HJURP: variants seen among roughly 807,000 people sequenced by gnomAD.
HJURP encodes Holliday junction recognition protein.
HJURP carries 49 observed loss-of-function variants against 72.0 expected under a neutral mutation model. That is an observed-to-expected ratio of 0.68 (90% CI 0.54 to 0.86). The LOEUF (loss-of-function observed/expected upper bound fraction) is 0.86. Ranked by LOEUF, HJURP falls within the 40% of genes least tolerant of loss-of-function variation. HJURP has a pLI of 0.00. For synonymous variants in HJURP, 357 were observed against 347.1 expected, an observed-to-expected ratio of 1.03 and a Z score of -0.32; for missense variants, 908 against 936.3, an observed-to-expected ratio of 0.97 and a Z score of 0.39.
chr2:233,854,497 G>T lies in HJURP; in HGVS notation c.4C>A (p.Leu2Met), dbSNP rs1218337665. 5 of 1,610,240 alleles carry T rather than the reference G, an allele frequency of 3.1e-6. No homozygotes were observed. The highest frequency in any genetic ancestry group is 1.7e-5 in the Admixed American group (1 of 59,744). The change falls in exon 1 of 9, where the codon CTG (leucine) becomes ATG (methionine). Residue 2 changes from leucine to methionine, a missense_variant. By Grantham distance (15) the Leu-to-Met change is conservative. This residue lies in a region of HJURP where 299 missense variants were observed against 286.7 expected (regional missense o/e 1.04). Coordinates refer to ENST00000411486, the MANE Select transcript of HJURP (RefSeq NM_018410.5). M[L>M]GTLRAMEGED... is the part of the protein sequence containing the mutation. ...CCCTCCATGGCGCGCAGCGTACCCA[G>T]CATCGGACCCAGCCAGTACCCAAGC...
intron 4 of HJURP, among the ~76,000 whole-genome samples, chr2:233,848,114 C>T (rs1325922415): frequency 3.9e-5 from 6 of 152,088 alleles, no homozygotes; most frequent in Admixed American, 6.5e-5. Flanking sequence ...TTCCCTTTAG[C>T]GACTCAACAC....
rs543307296 is a variant in HJURP at position 233,847,281 on chromosome 2, G to A, written c.402+116C>T. On this transcript the variant is annotated intron_variant, in intron 5 of 8. Coordinates refer to ENST00000411486, the MANE Select transcript of HJURP (RefSeq NM_018410.5). ...GAAGTAGCAAAAGCCAGCCTCAGGA[G>A]AGGACTTCCAGAAAAGTGCAGGCAG... is the stretch of plus-strand genomic sequence containing the variant. 4 of 767,014 alleles carry A rather than the reference G, an allele frequency of 5.2e-6. No homozygotes were observed. In the South Asian group the frequency reaches 6.0e-5, roughly 12 times the overall value. The allele number at this position is 767,014 out of a possible 1,614,324, so 47.5% of individuals were successfully genotyped here.
chr2:233,847,606 G>A (rs1375825393), intron 4 of HJURP, 145 bp from the exon 5 acceptor site: 5 of 700,056 alleles, frequency 7.1e-6, no homozygotes, highest in Non-Finnish European at 1.3e-5. Flanking sequence ...AGCCATCTAC[G>A]GCTGCCCGTG....
intron 3 of HJURP, among the ~76,000 whole-genome samples, chr2:233,850,257 G>A (rs1422688806): frequency 6.6e-6 from 1 of 152,236 alleles, no homozygotes; most frequent in Non-Finnish European, 1.5e-5. Context: ...GTGGCCCCTG[G>A]GCAACTTCCT....
Position 233,849,786 on chromosome 2 carries a change from G to T in HJURP, c.314C>A (p.Ser105Ter). The T allele has an allele frequency of 6.4e-7, 1 of 1,554,048 alleles. No individual in the cohort carries two copies. The highest frequency in any genetic ancestry group is 8.7e-7 in the Non-Finnish European group (1 of 1,148,446). Residue 105 changes from serine (S) to a stop codon, truncating the protein, a stop_gained, in exon 4 of 9, where the codon TCG becomes TAG. Coordinates refer to ENST00000411486, the MANE Select transcript of HJURP (RefSeq NM_018410.5). LOFTEE classifies it high-confidence loss of function. ...QAAAWGPELP[S>*]HRTVLGADSK... is the part of the protein sequence containing the mutation. ...ACCGGCTCCCAGGACTGTGCGGTGC[G>T]AGGGAAGCTCAGGACCCCAGGCTGC...
Position 233,851,372 on chromosome 2 carries a change from C to T in HJURP, c.240+1193G>A, listed in dbSNP as rs538021347. Among the ~76,000 whole-genome samples, 3 of 152,298 alleles carry T rather than the reference C, an allele frequency of 2.0e-5. No homozygotes were observed. In the South Asian group the frequency reaches 6.2e-4, roughly 32 times the overall value. The stretch of plus-strand genomic sequence containing the variant: ...TTTTATTGGAACACTGCCACGTACA[C>T]TCATTTACATATTATTTTCGGCCAC... On this transcript the variant is annotated intron_variant, in intron 3 of 8. Transcript: ENST00000411486.
chr2:233,837,739 C>G, intron 8 of HJURP, 87 bp from the exon 9 acceptor site: 1 of 807,870 alleles, frequency 1.2e-6, no homozygotes, highest in Non-Finnish European at 2.1e-6. Flanking sequence ...CTGTTTTCTA[C>G]TTATTCCATT....
At chr2:233,838,231 G>A (rs1705128462) in intron 8 of HJURP, among the ~76,000 whole-genome samples, 1 of 152,204 alleles carries the variant, frequency 6.6e-6, no homozygotes, top group Admixed American at 6.5e-5. Flanking sequence ...GGTTTAAAAT[G>A]AAACCTGGGG....
In HJURP at chr2:233,841,761, C is replaced by G; in HGVS notation, c.1019G>C (p.Cys340Ser). ...PVKGTGALRD[C>S]KNVLDVSCRK... ...GCAAGAAACATCTAATACGTTCTTG[C>G]AATCTCTTAATGCCCCTGTCCCTTT... is the stretch of plus-strand genomic sequence containing the variant. Residue 340 changes from cysteine to serine, a missense_variant, in exon 8 of 9, where the codon TGC becomes TCC. Around this residue, in one of 3 missense-constraint regions of HJURP, gnomAD observed 598 missense variants for 619.5 expected, o/e 0.97. Transcript: ENST00000411486. 1 of 1,614,186 alleles carries G rather than the reference C, an allele frequency of 6.2e-7. No individual in the cohort carries two copies. Among genetic ancestry groups the G allele is most frequent in the Non-Finnish European group, 8.5e-7 (1 of 1,180,044 alleles).
At chr2:233,844,876 G>A (rs1705319682) in intron 6 of HJURP, among the ~76,000 whole-genome samples, 1 of 152,164 alleles carries the variant, frequency 6.6e-6, no homozygotes, top group Non-Finnish European at 1.5e-5. Flanking sequence ...TAAGTATTTG[G>A]TGTTGCAATG....
chr2:233,854,379 C>A lies in HJURP; in HGVS notation c.117+5G>T. 1 of 1,575,756 alleles carries A rather than the reference C, an allele frequency of 6.3e-7. No individual in the cohort carries two copies. Among genetic ancestry groups the A allele is most frequent in the East Asian group, 2.3e-5 (1 of 43,910 alleles). On this transcript the variant is annotated splice_donor_5th_base_variant and intron_variant, in intron 1 of 8. Transcript: ENST00000411486. ...CCCCTCCCGGCGGACCGGCGGGGGC[C>A]GCACCTTCTCTATCAGCCGCTGCAT...
At chr2:233,848,415 C>T (rs954185419) in intron 4 of HJURP, among the ~76,000 whole-genome samples, 2 of 152,266 alleles carry the variant, frequency 1.3e-5, no homozygotes, top group Admixed American at 6.5e-5. Context: ...TGGGAAGCCA[C>T]GTGTTGCATC....
At chr2:233,851,579 AAAT>A (rs2124977634) in intron 3 of HJURP, among the ~76,000 whole-genome samples, 1 of 152,296 alleles carries the variant, frequency 6.6e-6, no homozygotes, top group South Asian at 2.1e-4. Context: ...ATGATTTTTT[AAAT>A]AATTATATAA....
rs779657342 is a variant in HJURP at position 233,841,912 on chromosome 2, T to C, written c.868A>G (p.Met290Val). The C allele has an allele frequency of 2.5e-6, 4 of 1,614,222 alleles. No homozygotes were observed. The highest frequency in any genetic ancestry group is 3.4e-6 in the Non-Finnish European group (4 of 1,180,028). Residue 290 changes from methionine to valine, a missense_variant, in exon 8 of 9, where the codon ATG becomes GTG. Coordinates refer to ENST00000411486, the MANE Select transcript of HJURP (RefSeq NM_018410.5). ...CTCCTCCTGGAGTTCCAGTTTTGCA[T>C]GATGAACGTTTTGGTGGAGATGATG... ...SSIISTKTFI[M>V]QNWNSRRRHR...
rs527257331 is a variant in HJURP at position 233,845,136 on chromosome 2, C to T, written c.495+592G>A. ...AGAGGTCAGGGCTGCTCTTAAGAGTCCCGTGTGTGGCCCCAATAGATTTTT... is the reference window on the plus strand; with the variant it reads ...AGAGGTCAGGGCTGCTCTTAAGAGTTCCGTGTGTGGCCCCAATAGATTTTT... On this transcript the variant is annotated intron_variant, in intron 6 of 8. Transcript: ENST00000411486. Among the ~76,000 whole-genome samples, 15 of 152,016 alleles carry T rather than the reference C, an allele frequency of 9.9e-5. No individual in the cohort carries two copies. In the East Asian group the frequency reaches 2.5e-3, roughly 26 times the overall value.
At chr2:233,843,482 T>C (rs1457376721) in intron 7 of HJURP, among the ~76,000 whole-genome samples, 1 of 152,154 alleles carries the variant, frequency 6.6e-6, no homozygotes, top group Non-Finnish European at 1.5e-5. Context: ...TTGCCAAAAA[T>C]GTTTAACGTG....
rs750980617 is a variant in HJURP at position 233,847,439 on chromosome 2, A to G, written c.360T>C (p.Asp120=). 61 of 1,614,036 alleles carry G rather than the reference A, an allele frequency of 3.8e-5. No individual in the cohort carries two copies. The highest frequency in any genetic ancestry group is 4.7e-5 in the Non-Finnish European group (55 of 1,179,966). Residue 120 remains aspartate, a synonymous_variant, in exon 5 of 9, where the codon GAT becomes GAC. Transcript: ENST00000411486. ...CTGACTCTTCCTGGTCTGACGTGGC[A>G]TCGACCTCACCGCTTTTTGAATCTA... ...LGADSKSGEV[D]ATSDQEESVA... is the part of the protein sequence containing the mutation.
chr2:233,842,741 AAG>A (rs1705264155), intron 7 of HJURP, among the ~76,000 whole-genome samples: 1 of 152,262 alleles, frequency 6.6e-6, no homozygotes, highest in African/African-American at 2.4e-5. Context: ...TAAGGATAAA[AAG>A]AGCTGCTTGG....
chr2:233,840,734 T>C lies in HJURP; in HGVS notation c.2046A>G (p.Arg682=). 1.2e-6 allele frequency: 2 copies of C among 1,614,024 alleles called. No individual in the cohort carries two copies. Among genetic ancestry groups the C allele is most frequent in the South Asian group, 2.2e-5 (2 of 91,074 alleles). The change falls in exon 8 of 9, where the codon AGA becomes AGG. Residue 682 remains arginine, a synonymous_variant. Coordinates refer to ENST00000411486, the MANE Select transcript of HJURP (RefSeq NM_018410.5). ...AGCCCTGGGGTTCTGATAGCCTGGG[T>C]CTTTTTGCAGGGAACTGATGGTCCC... The part of the protein sequence containing the change: ...GTRDHQFPAK[R]PRLSEPQGSG...
Sources: allele counts gnomAD v4.1 joint callset (sites outside exome capture counted in the v4.1 genomes callset), GRCh38; gene constraint gnomAD v4.1.1; regional missense constraint gnomAD v4.1.1; transcripts MANE v1.5; gene names NCBI Gene and HGNC (gene_info 2026-07-23, HGNC 2026-07-21).